ACO2: variants seen among roughly 807,000 people sequenced by gnomAD.
The protein encoded by ACO2 is aconitate hydratase, mitochondrial.
Under a neutral mutation model 84.5 loss-of-function variants are expected in ACO2, and 31 were observed. The observed-to-expected ratio is 0.37, with a 90% CI of 0.28 to 0.50. The LOEUF is 0.50. Among genes scored for constraint, ACO2 ranks in the 20% least tolerant of loss-of-function variants. The pLI, the probability that ACO2 is intolerant of heterozygous loss-of-function variation, is 0.97. For missense variants in ACO2, 685 were observed against 1,029.3 expected (o/e 0.67, Z 4.58); for synonymous variants, 414 against 412.7 (o/e 1.00, Z -0.04).
At chr22:41,513,088 G>T (rs977329824) in intron 4 of ACO2, among the ~76,000 whole-genome samples, 1 of 152,204 alleles carries the variant, frequency 6.6e-6, no homozygotes, top group African/African-American at 2.4e-5. Flanking sequence ...GGAAGGGGCT[G>T]CGTGGAATGG....
intron 1 of ACO2, among the ~76,000 whole-genome samples, chr22:41,483,321 T>A (rs2038111723): frequency 6.6e-6 from 1 of 152,184 alleles, no homozygotes; most frequent in African/African-American, 2.4e-5. Flanking sequence ...TGTGTTTTAC[T>A]TTTGGAATCA....
At position 41,523,839 on chromosome 22, in the gene ACO2, C is replaced by T; in HGVS notation, c.1380C>T (p.Ile460=). The part of the protein sequence containing the change: ...PCIGQWDRKD[I]KKGEKNTIVT... The stretch of plus-strand genomic sequence containing the variant: ...CCCTCTGACCTGGCAGGAAGGACAT[C>T]AAGAAGGGGGAGAAGAACACAATCG... The change falls in exon 12 of 18, where the codon ATC becomes ATT. Residue 460 remains isoleucine (I), a synonymous_variant. Coordinates refer to ENST00000216254, the MANE Select transcript of ACO2 (RefSeq NM_001098.3). 1.9e-6 allele frequency: 3 copies of T among 1,612,106 alleles called. No individual in the cohort carries two copies. Among genetic ancestry groups the T allele is most frequent in the Non-Finnish European group, 2.5e-6 (3 of 1,179,936 alleles).
At chr22:41,506,377 C>T (rs1456223939) in intron 2 of ACO2, among the ~76,000 whole-genome samples, 8 of 152,020 alleles carry the variant, frequency 5.3e-5, no homozygotes, top group Admixed American at 2.0e-4. Flanking sequence ...CTCAGCCTCC[C>T]GAGTAGCTGG....
chr22:41,508,770 T>C (rs1479297619), intron 3 of ACO2, among the ~76,000 whole-genome samples: 1 of 152,182 alleles, frequency 6.6e-6, no homozygotes, highest in East Asian at 1.9e-4. Flanking sequence ...ACAGCGGGCC[T>C]CTCTCTCCCA....
rs2066656055 is a variant in ACO2, at chr22:41,528,619, G to A, written c.*6G>A. The A allele has an allele frequency of 1.3e-6, 2 of 1,558,268 alleles. No homozygotes were observed. The highest frequency in any genetic ancestry group is 1.7e-6 in the Non-Finnish European group (2 of 1,156,440). ...TGAAGGAACTGCAACAGTGAGGGCAGTGCCTCCCCGCCCCGCCGCTGGCGT... is the reference window on the plus strand; with the variant it reads ...TGAAGGAACTGCAACAGTGAGGGCAATGCCTCCCCGCCCCGCCGCTGGCGT... On this transcript the variant is annotated 3_prime_UTR_variant, in exon 18 of 18. Coordinates refer to ENST00000216254, the MANE Select transcript of ACO2 (RefSeq NM_001098.3).
chr22:41,495,065 T>G (rs575153704), intron 1 of ACO2, among the ~76,000 whole-genome samples: 1 of 150,292 alleles, frequency 6.7e-6, no homozygotes, highest in South Asian at 2.1e-4. Flanking sequence ...CTTGCTCTGT[T>G]GCCCAGGCTG....
chr22:41,523,621 C>G (rs577691540), intron 11 of ACO2, among the ~76,000 whole-genome samples: 2 of 152,162 alleles, frequency 1.3e-5, no homozygotes, highest in South Asian at 4.1e-4. Flanking sequence ...CTCTGGCTTA[C>G]GTGTGGTTGC....
chr22:41,474,892 C>T (rs1484242510), intron 1 of ACO2, among the ~76,000 whole-genome samples: 1 of 152,070 alleles, frequency 6.6e-6, no homozygotes, highest in African/African-American at 2.4e-5. Flanking sequence ...AGCCACTGCA[C>T]CCGGCCTGCA....
chr22:41,486,646 A>T (rs1234331250), intron 1 of ACO2, among the ~76,000 whole-genome samples: 2 of 149,714 alleles, frequency 1.3e-5, no homozygotes, highest in Non-Finnish European at 3.0e-5. Context: ...AATTTTTTGT[A>T]TTTTTAGTAG....
intron 1 of ACO2, among the ~76,000 whole-genome samples, chr22:41,492,681 G>A (rs1190917746): frequency 6.6e-6 from 1 of 152,138 alleles, no homozygotes; most frequent in African/African-American, 2.4e-5. Flanking sequence ...GCTGAGGCAG[G>A]AGACTCGCTT....
rs567080613 is a variant in ACO2, at chr22:41,475,404, C to G, written c.36+6222C>G. On this transcript the variant is annotated intron_variant, in intron 1 of 17. Transcript: ENST00000216254. ...CCCAAGCTGGTCTTGAACTCCTGAG[C>G]TCCCAAAGTGCTGGGATTATAGGCG... is the stretch of plus-strand genomic sequence containing the variant. 2.6e-5 allele frequency among the ~76,000 whole-genome samples: 4 copies of G among 152,006 alleles called. No individual in the cohort carries two copies. In the East Asian group the frequency reaches 5.9e-4, roughly 22 times the overall value.
rs112646464 is a variant in ACO2 at position 41,500,415 on chromosome 22, C to T, written c.173+553C>T. Among the ~76,000 whole-genome samples, 192 of 149,930 alleles carry T rather than the reference C, an allele frequency of 1.3e-3. 3 individuals carry two copies. Among genetic ancestry groups the T allele is most frequent in the African/African-American group, 4.5e-3 (184 of 40,964 alleles). On this transcript the variant is annotated intron_variant, in intron 2 of 17. Coordinates refer to ENST00000216254, the MANE Select transcript of ACO2 (RefSeq NM_001098.3). ...TATATATATATTTGAGGCATAGTCTCGCCCTGTTGCCCAGACTGGATTGCA... is the reference window on the plus strand; with the variant it reads ...TATATATATATTTGAGGCATAGTCTTGCCCTGTTGCCCAGACTGGATTGCA...
chr22:41,527,258 C>T lies in ACO2; in HGVS notation c.1954-30C>T, dbSNP rs750526929. 3.0e-5 allele frequency: 49 copies of T among 1,613,952 alleles called. No homozygotes were observed. The East Asian group carries it at 9.6e-4, about 32-fold the overall frequency. On this transcript the variant is annotated intron_variant, in intron 15 of 17. Transcript: ENST00000216254. The stretch of plus-strand genomic sequence containing the variant: ...AGGTGAGGACGGTGCCCTCCTCTGC[C>T]TTATAACCTTACCCCCGCTTGCCTG...
intron 4 of ACO2, among the ~76,000 whole-genome samples, chr22:41,514,403 C>T (rs1158683297): frequency 6.6e-6 from 1 of 152,250 alleles, no homozygotes. Context: ...CTCATCCAGT[C>T]ATCAGTGAAC....
chr22:41,471,410 C>T (rs1601872414), intron 1 of ACO2, among the ~76,000 whole-genome samples: 1 of 152,204 alleles, frequency 6.6e-6, no homozygotes, highest in East Asian at 1.9e-4. Context: ...TGTATATTTA[C>T]CCCTTTTGTG....
At position 41,485,880 on chromosome 22, in the gene ACO2, C is replaced by T. The variant is rs911083048; in HGVS notation, c.37-13846C>T. Among the ~76,000 whole-genome samples the T allele has an allele frequency of 2.6e-5, 4 of 152,292 alleles. No individual in the cohort carries two copies. The East Asian group carries it at 5.8e-4, about 22-fold the overall frequency. On this transcript the variant is annotated intron_variant, in intron 1 of 17. Transcript: ENST00000216254. The stretch of plus-strand genomic sequence containing the variant: ...GGGATTACAGGCTCGAGCCACCGTG[C>T]CTGGCCTCCTGCTTTGTCTTTTACA...
chr22:41,476,402 T>A (rs1285665265), intron 1 of ACO2, among the ~76,000 whole-genome samples: 4 of 139,688 alleles, frequency 2.9e-5, no homozygotes, highest in Non-Finnish European at 1.5e-5. Flanking sequence ...AATGAAACTC[T>A]GTCTTAAAAA....
At position 41,518,856 on chromosome 22, in the gene ACO2, T is replaced by G. The variant is rs203318; in HGVS notation, c.1032+284T>G. ...AGCTATTCAGGAGGCTGAGGCAAGA[T>G]AATCGCTTGAACCCGGGACGCAGAG... On this transcript the variant is annotated intron_variant, in intron 8 of 17. Transcript: ENST00000216254. Among the ~76,000 whole-genome samples the G allele has an allele frequency of 0.4, 60,405 of 151,800 alleles. 15,598 individuals are homozygous for G. The highest frequency in any genetic ancestry group is 0.7 in the African/African-American group (28,906 of 41,406).
intron 1 of ACO2, among the ~76,000 whole-genome samples, chr22:41,495,769 C>T (rs977931792): frequency 4.6e-5 from 7 of 151,446 alleles, no homozygotes; most frequent in African/African-American, 1.2e-4. Context: ...TACAGGCGCC[C>T]GCCACCACGC....
Sources: allele counts gnomAD v4.1 joint callset (sites outside exome capture counted in the v4.1 genomes callset), GRCh38; gene constraint gnomAD v4.1.1; transcripts MANE v1.5; gene names NCBI Gene and HGNC (gene_info 2026-07-23, HGNC 2026-07-21).